Variants in SUGCT observed in about 807,000 individuals in gnomAD.
SUGCT encodes succinyl-CoA:glutarate CoA-transferase.
A neutral mutation model predicts 55.0 loss-of-function variants in SUGCT; 41 were observed. The ratio of observed to expected loss-of-function variants is 0.74; its 90% CI spans 0.58 to 0.97. SUGCT has a LOEUF of 0.97. SUGCT is among the 50% of genes least tolerant of loss of function. SUGCT has a pLI of 0.00. For synonymous variants in SUGCT, 187 were observed against 200.4 expected, an observed-to-expected ratio of 0.93 and a Z score of 0.56; for missense variants, 568 against 547.8, an observed-to-expected ratio of 1.04 and a Z score of -0.37.
chr7:40,228,553 G>C (rs759181489), intron 6 of SUGCT, among the ~76,000 whole-genome samples: 2 of 151,930 alleles, frequency 1.3e-5, no homozygotes, highest in African/African-American at 2.4e-5. Flanking sequence ...CTTCATAGAA[G>C]GTGGTGTGCA....
intron 8 of SUGCT, among the ~76,000 whole-genome samples, chr7:40,298,009 T>TCCTTCCTTTCCTTTC (rs562465590): frequency 5.9e-5 from 9 of 152,074 alleles, no homozygotes; most frequent in Non-Finnish European, 1.2e-4. Flanking sequence ...CATGTTCATG[T>TCCTTCCTTTCCTTTC]CCTTCCTTTC....
chr7:40,458,848 T>G (rs1194928052), intron 10 of SUGCT, among the ~76,000 whole-genome samples: 2 of 152,228 alleles, frequency 1.3e-5, no homozygotes, highest in Non-Finnish European at 2.9e-5. Context: ...CTTATGGGCA[T>G]CTTTTGCTGG....
intron 12 of SUGCT, among the ~76,000 whole-genome samples, chr7:40,506,361 G>A (rs1332557752): frequency 6.6e-6 from 1 of 151,876 alleles, no homozygotes; most frequent in Non-Finnish European, 1.5e-5. Context: ...TAAGTAATGT[G>A]GTAATCTTAC....
rs147041646 is a variant in SUGCT, at chr7:40,472,179, C to T, written c.986+12981C>T. ...CTCGATAATTCTATTTTGAAATATT[C>T]ATTCTTGGAGTCCTACGTAAATGTC... is the stretch of plus-strand genomic sequence containing the variant. On this transcript the variant is annotated intron_variant, in intron 11 of 13. Coordinates refer to ENST00000335693, the MANE Select transcript of SUGCT (RefSeq NM_001193313.2). Among the ~76,000 whole-genome samples the T allele has an allele frequency of 1.0e-3, 157 of 152,156 alleles. 2 individuals are homozygous for T. Among genetic ancestry groups the T allele is most frequent in the Non-Finnish European group, 8.1e-4 (55 of 67,950 alleles).
At chr7:40,384,328 C>T (rs1391584519) in intron 9 of SUGCT, among the ~76,000 whole-genome samples, 1 of 152,066 alleles carries the variant, frequency 6.6e-6, no homozygotes, top group African/African-American at 2.4e-5. Flanking sequence ...ATGATGAAAG[C>T]CTGGTGTGAG....
chr7:40,344,808 T>C (rs1414619360), intron 9 of SUGCT, among the ~76,000 whole-genome samples: 1 of 152,258 alleles, frequency 6.6e-6, no homozygotes, highest in East Asian at 1.9e-4. Flanking sequence ...TTCCTCTTTA[T>C]GTAACACATA....
At chr7:40,358,484 G>T (rs936994712) in intron 9 of SUGCT, among the ~76,000 whole-genome samples, 1 of 152,166 alleles carries the variant, frequency 6.6e-6, no homozygotes, top group Admixed American at 6.5e-5. Context: ...AGGCCGAGAT[G>T]AGTGGATCAC....
chr7:40,624,823 A>G (rs971966231), intron 12 of SUGCT, among the ~76,000 whole-genome samples: 5 of 149,588 alleles, frequency 3.3e-5, no homozygotes, highest in African/African-American at 5.0e-5. Context: ...GCACACCACA[A>G]ACACGCCAAG....
chr7:40,280,052 T>C (rs1391220398), intron 8 of SUGCT, among the ~76,000 whole-genome samples: 1 of 152,184 alleles, frequency 6.6e-6, no homozygotes, highest in African/African-American at 2.4e-5. Flanking sequence ...AATTGTTATA[T>C]TCCTCTTAAA....
At chr7:40,321,093 T>C (rs1205322112) in intron 9 of SUGCT, among the ~76,000 whole-genome samples, 8 of 139,088 alleles carry the variant, frequency 5.8e-5, no homozygotes. Flanking sequence ...TTTTTTTTTT[T>C]TGAAGTGGAG....
chr7:40,445,250 G>A (rs934643246), intron 9 of SUGCT, among the ~76,000 whole-genome samples: 1 of 152,010 alleles, frequency 6.6e-6, no homozygotes, highest in Non-Finnish European at 1.5e-5. Flanking sequence ...TAGACCGCTA[G>A]CAAGACTAAT....
At chr7:40,610,086 A>G (rs1021608171) in intron 12 of SUGCT, among the ~76,000 whole-genome samples, 2 of 152,216 alleles carry the variant, frequency 1.3e-5, no homozygotes, top group Admixed American at 1.3e-4. Flanking sequence ...AACACTGACC[A>G]TATTTTAAAA....
chr7:40,822,442 G>T (rs548608203), intron 13 of SUGCT, among the ~76,000 whole-genome samples: 3 of 152,162 alleles, frequency 2.0e-5, no homozygotes, highest in African/African-American at 7.2e-5. Context: ...ATGAATCTGG[G>T]TGCTCCTGTG....
chr7:40,643,317 C>T (rs1200981056), intron 12 of SUGCT, among the ~76,000 whole-genome samples: 8 of 152,260 alleles, frequency 5.3e-5, no homozygotes, highest in Admixed American at 4.6e-4. Flanking sequence ...TAGTAGAGTA[C>T]CTCCACCATT....
intron 12 of SUGCT, among the ~76,000 whole-genome samples, chr7:40,540,490 A>G (rs1794614287): frequency 6.6e-6 from 1 of 152,252 alleles, no homozygotes; most frequent in Non-Finnish European, 1.5e-5. Flanking sequence ...CCATGATGGT[A>G]GAGTTAATTA....
intron 13 of SUGCT, among the ~76,000 whole-genome samples, chr7:40,761,302 G>A (rs1179239261): frequency 6.6e-6 from 1 of 152,168 alleles, no homozygotes; most frequent in Non-Finnish European, 1.5e-5. Flanking sequence ...TAAAGTCAAT[G>A]GAGACCACGC....
At chr7:40,258,784 A>G (rs1440565665) in intron 7 of SUGCT, among the ~76,000 whole-genome samples, 4 of 152,204 alleles carry the variant, frequency 2.6e-5, no homozygotes, top group Non-Finnish European at 5.9e-5. Flanking sequence ...AGGTTCTTCA[A>G]AAAATTAAAA....
chr7:40,704,911 G>A (rs757675718), intron 12 of SUGCT, among the ~76,000 whole-genome samples: 2 of 152,162 alleles, frequency 1.3e-5, no homozygotes, highest in Non-Finnish European at 2.9e-5. Flanking sequence ...TGGAGTCATG[G>A]TTTTTGGCCA....
At chr7:40,218,291 G>C (rs1280941283) in intron 6 of SUGCT, among the ~76,000 whole-genome samples, 1 of 152,158 alleles carries the variant, frequency 6.6e-6, no homozygotes, top group East Asian at 1.9e-4. Flanking sequence ...TTGCTCATTG[G>C]AGAAATACAC....
Sources: gnomAD v4.1 joint callset for allele counts (sites outside exome capture counted in the v4.1 genomes callset) on GRCh38, gnomAD v4.1.1 for gene constraint, MANE v1.5 for transcripts, NCBI Gene and HGNC (gene_info 2026-07-23, HGNC 2026-07-21) for gene names.